Variants in PTPRR observed in about 807,000 individuals in gnomAD.
PTPRR encodes the protein protein tyrosine phosphatase receptor type R.
A neutral mutation model predicts 77.2 loss-of-function variants in PTPRR; 38 were observed. That is an observed-to-expected ratio of 0.49 (90% CI 0.38 to 0.65). The LOEUF is 0.65. PTPRR is among the 30% of genes least tolerant of loss of function. PTPRR has a pLI of 0.00. For synonymous variants in PTPRR, 299 were observed against 283.1 expected (o/e 1.06, Z -0.57); for missense variants, 744 against 799.2 (o/e 0.93, Z 0.83).
At chr12:70,901,761 A>T (rs530867068) in intron 1 of PTPRR, among the ~76,000 whole-genome samples, 12 of 151,874 alleles carry the variant, frequency 7.9e-5, no homozygotes, top group African/African-American at 2.9e-4. Context: ...GTTGGGACTT[A>T]ATCATTAATT....
intron 2 of PTPRR, among the ~76,000 whole-genome samples, chr12:70,863,446 GC>G (rs1255980155): frequency 1.3e-5 from 2 of 152,000 alleles, no homozygotes; most frequent in Non-Finnish European, 2.9e-5. Flanking sequence ...CTATTATTCT[GC>G]TTTAATTGCC....
At chr12:70,911,141 C>T (rs576641310) in intron 1 of PTPRR, among the ~76,000 whole-genome samples, 1 of 152,266 alleles carries the variant, frequency 6.6e-6, no homozygotes, top group African/African-American at 2.4e-5. Flanking sequence ...CATACCCATG[C>T]CCCTCCTTCT....
At chr12:70,733,042 A>G (rs1889718316) in intron 6 of PTPRR, among the ~76,000 whole-genome samples, 1 of 152,118 alleles carries the variant, frequency 6.6e-6, no homozygotes. Context: ...AAACGCAGGA[A>G]ATGAAAAGTA....
intron 8 of PTPRR, among the ~76,000 whole-genome samples, chr12:70,692,574 C>T (rs929424570): frequency 6.6e-6 from 1 of 152,212 alleles, no homozygotes; most frequent in African/African-American, 2.4e-5. Flanking sequence ...GCCTCACCAA[C>T]AGCTGCTTTC....
chr12:70,638,293 G>C lies in PTPRR; in HGVS notation c.*891C>G, dbSNP rs1422741607. The C allele has an allele frequency of 1.3e-5, 2 of 152,354 alleles. No homozygotes were observed. Among genetic ancestry groups the C allele is most frequent in the African/African-American group, 4.8e-5 (2 of 41,406 alleles). 9.4% of individuals were successfully genotyped at this position (152,354 alleles called of 1,614,324 possible). A position where few individuals can be genotyped will look rare whatever the true frequency, so the allele number is the denominator to read the frequency against. On this transcript the variant is annotated 3_prime_UTR_variant, in exon 14 of 14. Coordinates refer to ENST00000283228, the MANE Select transcript of PTPRR (RefSeq NM_002849.4). ...GGGACAGATTATATCATTCCTGAAG[G>C]CATATACCTTTTGTTGAGAGAGAGA...
intron 6 of PTPRR, among the ~76,000 whole-genome samples, chr12:70,720,472 C>T (rs987143453): frequency 1.3e-5 from 2 of 151,488 alleles, no homozygotes; most frequent in African/African-American, 4.9e-5. Context: ...CCAGTTTTTT[C>T]CTCTCTATGT....
At chr12:70,878,390 A>G (rs1323736714) in intron 2 of PTPRR, among the ~76,000 whole-genome samples, 2 of 152,216 alleles carry the variant, frequency 1.3e-5, no homozygotes, top group African/African-American at 4.8e-5. Context: ...CAATGAACTC[A>G]AACAAATTTA....
chr12:70,755,864 A>G (rs1379559157), intron 4 of PTPRR, among the ~76,000 whole-genome samples: 2 of 152,134 alleles, frequency 1.3e-5, no homozygotes, highest in Non-Finnish European at 2.9e-5. Context: ...TCGTTTTTTT[A>G]AATTCCAATG....
At chr12:70,907,331 A>G (rs951105619) in intron 1 of PTPRR, among the ~76,000 whole-genome samples, 1 of 152,166 alleles carries the variant, frequency 6.6e-6, no homozygotes, top group African/African-American at 2.4e-5. Flanking sequence ...GTTTCCTCAC[A>G]TGTTTTTTCA....
At position 70,863,066 on chromosome 12, in the gene PTPRR, C is replaced by G. The variant is rs150366702; in HGVS notation, c.357+29613G>C. Among the ~76,000 whole-genome samples, 442 of 152,282 alleles carry G rather than the reference C, an allele frequency of 2.9e-3. 1 individual carries two copies. The highest frequency in any genetic ancestry group is 4.4e-3 in the Non-Finnish European group (299 of 68,024). The stretch of plus-strand genomic sequence containing the variant: ...CTTTTAATCAACCAATTGCCCTATT[C>G]TCTACTAGAGGTCTAACCCTACTCT... On this transcript the variant is annotated intron_variant, in intron 2 of 13. Transcript: ENST00000283228.
chr12:70,833,926 C>T (rs934884370), intron 2 of PTPRR, among the ~76,000 whole-genome samples: 3 of 152,152 alleles, frequency 2.0e-5, no homozygotes, highest in African/African-American at 7.2e-5. Flanking sequence ...AAAGGGCCTA[C>T]AATGATCTTG....
intron 3 of PTPRR, among the ~76,000 whole-genome samples, chr12:70,762,689 C>T (rs1890721098): frequency 2.0e-5 from 3 of 152,258 alleles, no homozygotes. Flanking sequence ...CTCAAAACAC[C>T]GCTAAGCGAT....
intron 2 of PTPRR, among the ~76,000 whole-genome samples, chr12:70,808,116 T>C (rs1191291795): frequency 6.6e-6 from 1 of 152,048 alleles, no homozygotes; most frequent in East Asian, 1.9e-4. Flanking sequence ...CCTGGGAGTG[T>C]CTGCTTTTAT....
chr12:70,865,652 A>G (rs1421426479), intron 2 of PTPRR, among the ~76,000 whole-genome samples: 1 of 152,188 alleles, frequency 6.6e-6, no homozygotes, highest in African/African-American at 2.4e-5. Context: ...ATTAACTCAA[A>G]GTTTTCTAAT....
chr12:70,740,541 A>G (rs923588670), intron 6 of PTPRR, among the ~76,000 whole-genome samples: 1 of 151,908 alleles, frequency 6.6e-6, no homozygotes, highest in African/African-American at 2.4e-5. Flanking sequence ...CCTGGCTAAT[A>G]TGTTCTTCTT....
At chr12:70,918,722 C>A (rs1249570441) in intron 1 of PTPRR, among the ~76,000 whole-genome samples, 1 of 152,132 alleles carries the variant, frequency 6.6e-6, no homozygotes, top group Admixed American at 6.5e-5. Flanking sequence ...AAAATGACTA[C>A]ACTGATATTG....
At chr12:70,821,478 G>A (rs1892011670) in intron 2 of PTPRR, among the ~76,000 whole-genome samples, 2 of 151,664 alleles carry the variant, frequency 1.3e-5, no homozygotes, top group African/African-American at 4.8e-5. Flanking sequence ...GCCCACTCCG[G>A]CCTCTCAAAG....
intron 2 of PTPRR, among the ~76,000 whole-genome samples, chr12:70,782,858 A>G (rs915067901): frequency 6.6e-6 from 1 of 152,130 alleles, no homozygotes; most frequent in Non-Finnish European, 1.5e-5. Context: ...CAAATAAAAA[A>G]CTACCACATT....
At chr12:70,753,400 C>T (rs762618384) in intron 5 of PTPRR, among the ~76,000 whole-genome samples, 26 of 152,054 alleles carry the variant, frequency 1.7e-4, no homozygotes, top group Non-Finnish European at 3.5e-4. Flanking sequence ...AAGAACATAG[C>T]TCACAGGGAA....
Sources: gnomAD v4.1 joint callset for allele counts (sites outside exome capture counted in the v4.1 genomes callset) on GRCh38, gnomAD v4.1.1 for gene constraint, MANE v1.5 for transcripts, NCBI Gene and HGNC (gene_info 2026-07-23, HGNC 2026-07-21) for gene names.